The following CREB5 variants were observed in gnomAD, a reference collection of about 807,000 sequenced individuals.
The protein encoded by CREB5 is cAMP responsive element binding protein 5, also known as cyclic AMP-responsive element-binding protein 5.
A neutral mutation model predicts 57.1 loss-of-function variants in CREB5; 19 were observed. The ratio of observed to expected loss-of-function variants is 0.33; its 90% CI spans 0.23 to 0.49. CREB5 has a LOEUF of 0.49. Ranked by LOEUF, CREB5 falls within the 20% of genes least tolerant of loss-of-function variation. CREB5 has a pLI of 0.99. For missense variants in CREB5, 579 were observed against 671.6 expected, an observed-to-expected ratio of 0.86 and a Z score of 1.52; for synonymous variants, 238 against 238.3, an observed-to-expected ratio of 1.00 and a Z score of 0.01.
At chr7:28,439,852 G>A (rs1212350202) in intron 1 of CREB5, among the ~76,000 whole-genome samples, 1 of 152,242 alleles carries the variant, frequency 6.6e-6, no homozygotes, top group South Asian at 2.1e-4. Context: ...GTGCCTGTGT[G>A]ACCTGTAATT....
chr7:28,655,118 G>T (rs549843791), intron 5 of CREB5, among the ~76,000 whole-genome samples: 2 of 152,160 alleles, frequency 1.3e-5, no homozygotes, highest in African/African-American at 4.8e-5. Flanking sequence ...GCCCAGGCTG[G>T]TCTTGAACTC....
chr7:28,609,491 T>A (rs1159938306), intron 5 of CREB5, among the ~76,000 whole-genome samples: 1 of 152,240 alleles, frequency 6.6e-6, no homozygotes, highest in Non-Finnish European at 1.5e-5. Flanking sequence ...AGCCTGATGA[T>A]AAAAGGTAGT....
intron 3 of CREB5, among the ~76,000 whole-genome samples, chr7:28,495,803 C>T (rs1348793833): frequency 1.3e-5 from 2 of 152,104 alleles, no homozygotes; most frequent in African/African-American, 4.8e-5. Flanking sequence ...TTGAGATGGT[C>T]AGTGAAGGTG....
chr7:28,723,154 T>C (rs1803135721), intron 6 of CREB5, among the ~76,000 whole-genome samples: 1 of 152,232 alleles, frequency 6.6e-6, no homozygotes, highest in Admixed American at 6.5e-5. Flanking sequence ...TTCCATCCGT[T>C]GGCAAATGGA....
At chr7:28,654,794 C>T (rs775759774) in intron 5 of CREB5, among the ~76,000 whole-genome samples, 46 of 152,110 alleles carry the variant, frequency 3.0e-4, no homozygotes, top group Non-Finnish European at 4.7e-4. Context: ...TGTACACACA[C>T]GCAGTAAAAG....
At chr7:28,418,199 A>G (rs1310307247) in intron 1 of CREB5, among the ~76,000 whole-genome samples, 1 of 152,194 alleles carries the variant, frequency 6.6e-6, no homozygotes, top group Non-Finnish European at 1.5e-5. Context: ...TCAAGATGTT[A>G]GTTATAACCT....
intron 1 of CREB5, among the ~76,000 whole-genome samples, chr7:28,331,021 G>C (rs376746993): frequency 3.7e-4 from 56 of 152,216 alleles, no homozygotes; most frequent in African/African-American, 1.3e-3. Flanking sequence ...TGAATCAGCT[G>C]TATCAGTTAC....
intron 1 of CREB5, among the ~76,000 whole-genome samples, chr7:28,442,102 G>C (rs1256478904): frequency 6.6e-5 from 10 of 151,960 alleles, no homozygotes; most frequent in Admixed American, 5.9e-4. Context: ...CCCCTTCCCA[G>C]CCTCTAATAC....
At chr7:28,560,891 T>TGTGTGTGTGTGTGTGC (rs1562797545) in intron 4 of CREB5, among the ~76,000 whole-genome samples, 1 of 19,726 alleles carries the variant, frequency 5.1e-5, no homozygotes, top group Non-Finnish European at 9.3e-5. Context: ...TGCGTGCGTG[T>TGTGTGTGTGTGTGTGC]GTGTGCGTGC....
chr7:28,501,963 A>T (rs1381132330), intron 3 of CREB5, among the ~76,000 whole-genome samples: 3 of 152,170 alleles, frequency 2.0e-5, no homozygotes, highest in African/African-American at 7.2e-5. Context: ...CAATGAATGG[A>T]TCCCAGTATA....
intron 1 of CREB5, among the ~76,000 whole-genome samples, chr7:28,391,433 G>A (rs553729193): frequency 4.1e-4 from 62 of 152,334 alleles, no homozygotes; most frequent in African/African-American, 1.4e-3. Flanking sequence ...TAGAATGAAT[G>A]TTTTGAAAAG....
At chr7:28,446,431 G>A (rs1231446848) in intron 1 of CREB5, among the ~76,000 whole-genome samples, 2 of 152,156 alleles carry the variant, frequency 1.3e-5, no homozygotes, top group Admixed American at 6.5e-5. Flanking sequence ...CTAGACATTT[G>A]GTGGTTTCTG....
intron 5 of CREB5, among the ~76,000 whole-genome samples, chr7:28,581,865 T>A (rs1796135614): frequency 6.6e-6 from 1 of 152,230 alleles, no homozygotes; most frequent in Admixed American, 6.5e-5. Flanking sequence ...CTGTCAAGAA[T>A]GCAGGTGACT....
chr7:28,612,676 G>A (rs73684203), intron 5 of CREB5, among the ~76,000 whole-genome samples: 2,753 of 151,874 alleles, frequency 0.018, 90 homozygotes, highest in African/African-American at 0.064. Context: ...AACTCTGTAT[G>A]AGAATCTAAT....
upstream of CREB5, among the ~76,000 whole-genome samples, chr7:28,408,730 C>A (rs933594218): frequency 3.3e-5 from 5 of 152,068 alleles, no homozygotes; most frequent in African/African-American, 1.2e-4. Context: ...TGAGAGTGTG[C>A]ACCATAAGGA....
intron 7 of CREB5, among the ~76,000 whole-genome samples, chr7:28,742,637 A>G (rs1408097805): frequency 6.6e-6 from 1 of 152,160 alleles, no homozygotes; most frequent in African/African-American, 2.4e-5. Context: ...CATTACTAAC[A>G]CCAACATTGT....
At chr7:28,741,600 CTTCTT>C (rs1471493175) in intron 7 of CREB5, among the ~76,000 whole-genome samples, 1 of 152,184 alleles carries the variant, frequency 6.6e-6, no homozygotes, top group Non-Finnish European at 1.5e-5. Flanking sequence ...TGAACTTTCT[CTTCTT>C]TTATTACCAT....
intron 5 of CREB5, among the ~76,000 whole-genome samples, chr7:28,712,529 T>TATTATTATTATTATTA: frequency 6.7e-6 from 1 of 148,486 alleles, no homozygotes; most frequent in Non-Finnish European, 1.5e-5. Flanking sequence ...GAGAATTTAT[T>TATTATTATTATTATTA]ATTATTATTA....
chr7:28,306,439 T>G (rs1785183229), intron 1 of CREB5, among the ~76,000 whole-genome samples: 2 of 152,122 alleles, frequency 1.3e-5, no homozygotes, highest in Non-Finnish European at 2.9e-5. Context: ...TGGGTTGATG[T>G]CTGCCAGGGT....
Sources: allele counts gnomAD v4.1 joint callset (sites outside exome capture counted in the v4.1 genomes callset), GRCh38; gene constraint gnomAD v4.1.1; transcripts MANE v1.5; gene names NCBI Gene and HGNC (gene_info 2026-07-23, HGNC 2026-07-21).